Variants in SGCZ observed in about 807,000 individuals in gnomAD.
SGCZ encodes sarcoglycan zeta.
Under a neutral mutation model 41.3 loss-of-function variants are expected in SGCZ, and 40 were observed. The ratio of observed to expected loss-of-function variants is 0.97; its 90% CI spans 0.75 to 1.26. The LOEUF (loss-of-function observed/expected upper bound fraction) is 1.26, where lower values mean the gene tolerates loss of function less well. Ranked by LOEUF, SGCZ falls within the 50% of genes most tolerant of loss-of-function variation. SGCZ has a pLI of 0.00. For missense variants in SGCZ, 552 were observed against 369.8 expected (o/e 1.49, Z -4.04); for synonymous variants, 206 against 137.5 (o/e 1.50, Z -3.49).
chr8:14,738,732 C>A (rs10087547), intron 1 of SGCZ, among the ~76,000 whole-genome samples: 9,008 of 152,066 alleles, frequency 0.059, 534 homozygotes, highest in African/African-American at 0.16. Context: ...AATGGTAGGT[C>A]ATGAAAGTTG....
At chr8:14,719,187 C>A (rs2130175248) in intron 1 of SGCZ, among the ~76,000 whole-genome samples, 1 of 150,080 alleles carries the variant, frequency 6.7e-6, no homozygotes, top group South Asian at 2.1e-4. Context: ...ATGAACTCAT[C>A]ATTTTTTATG....
rs559289253 is a variant in SGCZ, at chr8:14,254,674, T to C, written c.337-16995A>G. Among the ~76,000 whole-genome samples the C allele has an allele frequency of 2.0e-5, 3 of 152,314 alleles. 1 individual carries two copies. Among genetic ancestry groups the C allele is most frequent in the Admixed American group, 6.5e-5 (1 of 15,288 alleles). On this transcript the variant is annotated intron_variant, in intron 3 of 7. Transcript: ENST00000382080. ...GATAAAATATTTTAAATGTCATCCT[T>C]TCCACTAAACATATTTAAAAGTGAA...
intron 1 of SGCZ, among the ~76,000 whole-genome samples, chr8:15,151,085 C>T (rs1293355882): frequency 6.6e-6 from 1 of 152,264 alleles, no homozygotes; most frequent in African/African-American, 2.4e-5. Context: ...CACACTCACG[C>T]ACACACTTCG....
At position 15,022,750 on chromosome 8, in the gene SGCZ, T is replaced by C. The variant is rs186855205; in HGVS notation, c.39+214835A>G. Among the ~76,000 whole-genome samples the C allele has an allele frequency of 2.1e-3, 325 of 152,328 alleles. 1 individual carries two copies. Among genetic ancestry groups the C allele is most frequent in the Middle Eastern group, 0.01 (3 of 294 alleles). ...AAAACATGGCAATAGTAATAACTATTATAACTTTCATATTCAATGTAGCTA... is the reference window on the plus strand; with the variant it reads ...AAAACATGGCAATAGTAATAACTATCATAACTTTCATATTCAATGTAGCTA... On this transcript the variant is annotated intron_variant, in intron 1 of 7. Coordinates refer to ENST00000382080, the MANE Select transcript of SGCZ (RefSeq NM_139167.4).
At chr8:14,392,412 G>A (rs1804809750) in intron 2 of SGCZ, among the ~76,000 whole-genome samples, 1 of 152,122 alleles carries the variant, frequency 6.6e-6, no homozygotes, top group Admixed American at 6.6e-5. Flanking sequence ...GGAGCCCATG[G>A]TAATCAAAAT....
intron 1 of SGCZ, among the ~76,000 whole-genome samples, chr8:14,582,777 C>A (rs1215845776): frequency 3.3e-5 from 5 of 149,254 alleles, no homozygotes; most frequent in East Asian, 2.0e-4. Context: ...TTTGTCCTTG[C>A]GATAGTTTAC....
intron 1 of SGCZ, among the ~76,000 whole-genome samples, chr8:15,183,425 TA>T (rs973771941): frequency 1.8e-4 from 28 of 152,328 alleles, no homozygotes; most frequent in African/African-American, 6.5e-4. Flanking sequence ...AAGTTTATGG[TA>T]TCACCATGGT....
intron 2 of SGCZ, among the ~76,000 whole-genome samples, chr8:14,548,766 C>A (rs1357828314): frequency 6.6e-6 from 1 of 152,042 alleles, no homozygotes; most frequent in African/African-American, 2.4e-5. Context: ...TTTAAAAAAT[C>A]AAAGTGAGTT....
chr8:14,355,194 G>A (rs1803249824), intron 2 of SGCZ, among the ~76,000 whole-genome samples: 1 of 152,130 alleles, frequency 6.6e-6, no homozygotes, highest in East Asian at 1.9e-4. Flanking sequence ...TAGGCCACAA[G>A]CAGATGTTTC....
chr8:15,160,768 T>C (rs952846869), intron 1 of SGCZ, among the ~76,000 whole-genome samples: 6 of 152,192 alleles, frequency 3.9e-5, no homozygotes, highest in African/African-American at 1.4e-4. Flanking sequence ...TCTGCTCTTG[T>C]CAGTTGAGGG....
At chr8:14,690,109 G>A (rs762073962) in intron 1 of SGCZ, among the ~76,000 whole-genome samples, 6 of 137,498 alleles carry the variant, frequency 4.4e-5, no homozygotes, top group East Asian at 2.1e-4. Flanking sequence ...TGTGAGTGTT[G>A]TCTCTTTTTT....
intron 2 of SGCZ, among the ~76,000 whole-genome samples, chr8:14,326,096 A>C (rs1178297925): frequency 1.1e-5 from 1 of 91,562 alleles, no homozygotes; most frequent in Non-Finnish European, 2.3e-5. Flanking sequence ...TGGGCGAAAG[A>C]GTGAGACTCC....
chr8:14,281,530 A>G (rs1349956947), intron 3 of SGCZ, among the ~76,000 whole-genome samples: 1 of 152,016 alleles, frequency 6.6e-6, no homozygotes, highest in Non-Finnish European at 1.5e-5. Flanking sequence ...ATATACATGC[A>G]CATTTTGCAT....
At position 14,672,763 on chromosome 8, in the gene SGCZ, T is replaced by C. The variant is rs558737686; in HGVS notation, c.40-117837A>G. On this transcript the variant is annotated intron_variant, in intron 1 of 7. Transcript: ENST00000382080. Reference sequence around the variant, plus strand: ...AGAACTTCTTTAACACTACCTTTACTTCATTCTGCTGTCTCTCCTAGTACT... The same window carrying C: ...AGAACTTCTTTAACACTACCTTTACCTCATTCTGCTGTCTCTCCTAGTACT... Among the ~76,000 whole-genome samples the C allele has an allele frequency of 2.0e-4, 30 of 152,296 alleles. No individual in the cohort carries two copies. The East Asian group carries it at 5.8e-3, about 29-fold the overall frequency.
At chr8:14,219,889 T>C (rs1234980572) in intron 4 of SGCZ, among the ~76,000 whole-genome samples, 2 of 152,226 alleles carry the variant, frequency 1.3e-5, no homozygotes, top group African/African-American at 2.4e-5. Flanking sequence ...ACCAGTAGGA[T>C]GCAGAAAATG....
intron 3 of SGCZ, among the ~76,000 whole-genome samples, chr8:14,268,695 G>C (rs747277152): frequency 2.6e-5 from 4 of 151,592 alleles, no homozygotes; most frequent in Non-Finnish European, 5.9e-5. Context: ...TGTGTTATTA[G>C]AACATGAGAA....
intron 1 of SGCZ, among the ~76,000 whole-genome samples, chr8:15,049,952 G>C (rs1283421217): frequency 6.6e-6 from 1 of 152,086 alleles, no homozygotes; most frequent in Non-Finnish European, 1.5e-5. Context: ...CTGAAACTGT[G>C]TGTCCATTAA....
At chr8:14,483,333 G>C (rs1801585590) in intron 2 of SGCZ, among the ~76,000 whole-genome samples, 4 of 152,340 alleles carry the variant, frequency 2.6e-5, no homozygotes, top group Admixed American at 2.6e-4. Flanking sequence ...ACTTTGGGAG[G>C]CATAGGCAGG....
chr8:14,857,183 C>T (rs1371869299), intron 1 of SGCZ, among the ~76,000 whole-genome samples: 1 of 152,140 alleles, frequency 6.6e-6, no homozygotes, highest in Non-Finnish European at 1.5e-5. Context: ...TAACCCTTCA[C>T]CTCCTGCCAT....
Sources: gnomAD v4.1 joint callset for allele counts (sites outside exome capture counted in the v4.1 genomes callset) on GRCh38, gnomAD v4.1.1 for gene constraint, MANE v1.5 for transcripts, NCBI Gene and HGNC (gene_info 2026-07-23, HGNC 2026-07-21) for gene names.